RIT2: variants seen among roughly 807,000 people sequenced by gnomAD.
The protein encoded by RIT2 is Ras like without CAAX 2.
A neutral mutation model predicts 23.7 loss-of-function variants in RIT2; 24 were observed. The observed-to-expected ratio is 1.01, with a 90% CI of 0.73 to 1.43. The LOEUF (loss-of-function observed/expected upper bound fraction) is 1.43, where lower values mean the gene tolerates loss of function less well. RIT2 is among the 40% of genes most tolerant of loss of function. The pLI is 0.00. For missense variants in RIT2, 236 were observed against 266.9 expected (o/e 0.88, Z 0.81); for synonymous variants, 107 against 91.1 (o/e 1.17, Z -0.99).
At chr18:42,988,271 G>T (rs1183679753) in intron 2 of RIT2, among the ~76,000 whole-genome samples, 1 of 152,038 alleles carries the variant, frequency 6.6e-6, no homozygotes, top group Non-Finnish European at 1.5e-5. Flanking sequence ...TAAGAAAAGA[G>T]AAAATATTCA....
intron 1 of RIT2, among the ~76,000 whole-genome samples, chr18:43,097,454 G>A (rs1332090482): frequency 6.6e-6 from 1 of 151,888 alleles, no homozygotes; most frequent in African/African-American, 2.4e-5. Context: ...ATTACTGTGG[G>A]TTTGGATATT....
At chr18:43,005,296 T>C (rs1911200753) in intron 2 of RIT2, among the ~76,000 whole-genome samples, 2 of 151,938 alleles carry the variant, frequency 1.3e-5, no homozygotes, top group South Asian at 4.1e-4. Context: ...AAATAAACAC[T>C]GGCTATTAAT....
At chr18:43,043,511 G>A (rs1912175701) in intron 1 of RIT2, among the ~76,000 whole-genome samples, 1 of 151,936 alleles carries the variant, frequency 6.6e-6, no homozygotes, top group African/African-American at 2.4e-5. Context: ...GGGAGACTGG[G>A]CTGGGCCTGG....
At chr18:42,944,604 C>A (rs2144163333) in intron 3 of RIT2, among the ~76,000 whole-genome samples, 1 of 152,158 alleles carries the variant, frequency 6.6e-6, no homozygotes, top group Middle Eastern at 3.4e-3. Flanking sequence ...AGAGCCAGGA[C>A]TATGAATTTT....
At chr18:42,979,225 A>G (rs566400590) in intron 2 of RIT2, among the ~76,000 whole-genome samples, 1 of 152,210 alleles carries the variant, frequency 6.6e-6, no homozygotes, top group East Asian at 1.9e-4. Flanking sequence ...CAGAATAAAC[A>G]TATTCATTTA....
At chr18:43,053,727 T>C (rs960415499) in intron 1 of RIT2, among the ~76,000 whole-genome samples, 1 of 152,126 alleles carries the variant, frequency 6.6e-6, no homozygotes, top group Non-Finnish European at 1.5e-5. Flanking sequence ...TAAAAGGCAT[T>C]ATCAAATATT....
At chr18:42,848,735 G>T (rs972565672) in intron 4 of RIT2, among the ~76,000 whole-genome samples, 3 of 151,940 alleles carry the variant, frequency 2.0e-5, no homozygotes, top group African/African-American at 7.3e-5. Context: ...TTTACAGAAA[G>T]CACATTGTGA....
intron 1 of RIT2, among the ~76,000 whole-genome samples, chr18:43,102,171 T>C (rs536264625): frequency 6.6e-6 from 1 of 152,308 alleles, no homozygotes; most frequent in African/African-American, 2.4e-5. Flanking sequence ...CTTATCAAAA[T>C]TAAAATTAAA....
At chr18:42,812,203 C>T (rs1905871240) in intron 4 of RIT2, among the ~76,000 whole-genome samples, 1 of 152,114 alleles carries the variant, frequency 6.6e-6, no homozygotes, top group Non-Finnish European at 1.5e-5. Context: ...ATGTGACTCA[C>T]TTTGGTCAAT....
intron 4 of RIT2, among the ~76,000 whole-genome samples, chr18:42,821,580 G>A (rs1364952341): frequency 1.3e-5 from 2 of 152,082 alleles, no homozygotes. Flanking sequence ...AACATCTAGT[G>A]AGTAGAAGGC....
intron 2 of RIT2, among the ~76,000 whole-genome samples, chr18:43,013,258 G>C (rs1001808993): frequency 6.6e-6 from 1 of 151,818 alleles, no homozygotes; most frequent in Non-Finnish European, 1.5e-5. Flanking sequence ...AGTACTTTAA[G>C]ATTAACCACA....
intron 4 of RIT2, 162 bp downstream of exon 4, chr18:42,923,410 G>A: frequency 2.9e-6 from 2 of 689,912 alleles, no homozygotes; most frequent in Non-Finnish European, 5.1e-6. Context: ...ATATTATGGA[G>A]GCCAACACAA....
intron 4 of RIT2, among the ~76,000 whole-genome samples, chr18:42,751,350 A>G (rs888626379): frequency 1.3e-5 from 2 of 151,886 alleles, no homozygotes; most frequent in African/African-American, 4.8e-5. Flanking sequence ...TCTATAGTAC[A>G]TATATAGATA....
chr18:42,995,130 C>A (rs948030358), intron 2 of RIT2, among the ~76,000 whole-genome samples: 22 of 152,278 alleles, frequency 1.4e-4, no homozygotes, highest in African/African-American at 4.8e-4. Context: ...CACACACCAG[C>A]AAAGGCAGGC....
intron 3 of RIT2, among the ~76,000 whole-genome samples, chr18:42,971,312 T>C (rs1484594560): frequency 6.6e-6 from 1 of 152,030 alleles, no homozygotes; most frequent in African/African-American, 2.4e-5. Context: ...TTTCATCATC[T>C]GTTTAGCCTG....
chr18:43,017,213 CTT>C (rs1344201206), intron 2 of RIT2, among the ~76,000 whole-genome samples: 2 of 152,060 alleles, frequency 1.3e-5, no homozygotes, highest in African/African-American at 2.4e-5. Context: ...CAAATGCACA[CTT>C]TGTTAGCTCA....
At chr18:42,858,879 C>G (rs1907255507) in intron 4 of RIT2, among the ~76,000 whole-genome samples, 1 of 152,106 alleles carries the variant, frequency 6.6e-6, no homozygotes, top group Non-Finnish European at 1.5e-5. Context: ...TACCATTTAT[C>G]AGTACTTCAT....
intron 4 of RIT2, among the ~76,000 whole-genome samples, chr18:42,875,353 G>A (rs1389532187): frequency 1.2e-4 from 18 of 149,076 alleles, no homozygotes; most frequent in Non-Finnish European, 2.7e-4. Flanking sequence ...TTTAAAAAAA[G>A]GTAATGTACC....
intron 1 of RIT2, among the ~76,000 whole-genome samples, chr18:43,037,676 G>C (rs1196086407): frequency 2.0e-5 from 3 of 151,732 alleles, no homozygotes; most frequent in African/African-American, 7.3e-5. Context: ...ATTGGATGGA[G>C]GAATATATAC....
Sources: gnomAD v4.1 joint callset for allele counts (sites outside exome capture counted in the v4.1 genomes callset) on GRCh38, gnomAD v4.1.1 for gene constraint, MANE v1.5 for transcripts, NCBI Gene and HGNC (gene_info 2026-07-23, HGNC 2026-07-21) for gene names.